Variants in BIVM observed in about 807,000 individuals in gnomAD.
BIVM encodes the protein basic, immunoglobulin-like variable motif containing.
Under a neutral mutation model 61.4 loss-of-function variants are expected in BIVM, and 31 were observed. The observed-to-expected ratio is 0.51, with a 90% CI of 0.38 to 0.68. The LOEUF (loss-of-function observed/expected upper bound fraction) is 0.68, where lower values mean the gene tolerates loss of function less well. Among genes scored for constraint, BIVM ranks in the 30% least tolerant of loss-of-function variants. The probability of loss-of-function intolerance (pLI) is 0.00; values close to 1 mark genes in which losing one functional copy is unlikely to be tolerated. For missense variants in BIVM, 526 were observed against 596.0 expected, an observed-to-expected ratio of 0.88 and a Z score of 1.22; for synonymous variants, 189 against 210.7, an observed-to-expected ratio of 0.90 and a Z score of 0.89.
Position 102,821,789 on chromosome 13 carries a change from C to G in BIVM, c.748C>G (p.Gln250Glu). 6.2e-7 allele frequency: 1 copy of G among 1,614,098 alleles called. No homozygotes were observed. ...QEEALHILGF[Q>E]PPFEDIRFGP... ...AGAAGCTTTACATATTCTGGGCTTT[C>G]AACCTCCATTTGAAGATATTAGGTT... is the stretch of plus-strand genomic sequence containing the variant. The change falls in exon 6 of 11, where the codon CAA becomes GAA. Residue 250 changes from glutamine (Q) to glutamate (E), a missense_variant. This residue lies in a region of BIVM where 312 missense variants were observed against 343.8 expected (regional missense o/e 0.91). Transcript: ENST00000257336.
intron 3 of BIVM, among the ~76,000 whole-genome samples, chr13:102,815,822 G>C (rs1000414147): frequency 6.6e-5 from 10 of 152,162 alleles, no homozygotes; most frequent in Non-Finnish European, 1.3e-4. Context: ...CACACAGGAG[G>C]CTTGCTTTTC....
intron 7 of BIVM, among the ~76,000 whole-genome samples, chr13:102,826,874 T>C (rs1374005178): frequency 6.6e-6 from 1 of 152,064 alleles, no homozygotes; most frequent in African/African-American, 2.4e-5. Flanking sequence ...CCAGAGAAAT[T>C]AGAATAAGAG....
intron 10 of BIVM, 109 bp from the exon 11 acceptor site, chr13:102,839,463 T>G: frequency 7.1e-7 from 1 of 1,410,950 alleles, no homozygotes; most frequent in African/African-American, 1.4e-5. Context: ...GAAAGTACCA[T>G]TCTGAGGCCG....
chr13:102,813,980 T>A (rs1879682277), intron 3 of BIVM, among the ~76,000 whole-genome samples: 1 of 152,224 alleles, frequency 6.6e-6, no homozygotes. Context: ...GTCCTTTGGT[T>A]CTTCCAGTAA....
In BIVM at chr13:102,821,857, C is replaced by T. The variant is rs771547079; in HGVS notation, c.806+10C>T. 1 of 1,610,196 alleles carries T rather than the reference C, an allele frequency of 6.2e-7. No individual in the cohort carries two copies. The highest frequency in any genetic ancestry group is 1.7e-5 in the Admixed American group (1 of 59,272). On this transcript the variant is annotated intron_variant, in intron 6 of 10. Transcript: ENST00000257336. ...ATACAACACTTATGAGGTATGAAGA[C>T]CCTCTTAGAGGCAATATCGTGTTTC...
chr13:102,822,360 C>A (rs1303100314), intron 7 of BIVM, among the ~76,000 whole-genome samples: 4 of 152,196 alleles, frequency 2.6e-5, no homozygotes, highest in African/African-American at 9.7e-5. Flanking sequence ...CCTCTTCTAA[C>A]CTTTTTATGT....
Position 102,822,086 on chromosome 13 carries a change from C to T in BIVM, c.828C>T (p.Asp276=), listed in dbSNP as rs1352969856. ...TCAGGTGGTTTAGACAAATTAATGA[C>T]CACTTCCATGTAAAAGGATGCTCTT... ...TLMRWFRQIN[D]HFHVKGCSYV... The change falls in exon 7 of 11, where the codon GAC becomes GAT. Residue 276 remains aspartate (D), a synonymous_variant. Coordinates refer to ENST00000257336, the MANE Select transcript of BIVM (RefSeq NM_017693.4). 2 of 1,613,842 alleles carry T rather than the reference C, an allele frequency of 1.2e-6. No individual in the cohort carries two copies. The highest frequency in any genetic ancestry group is 2.2e-5 in the East Asian group (1 of 44,884).
Position 102,806,082 on chromosome 13 carries a change from C to G in BIVM, c.-123+692C>G, listed in dbSNP as rs114458525. On this transcript the variant is annotated intron_variant, in intron 2 of 10. Coordinates refer to ENST00000257336, the MANE Select transcript of BIVM (RefSeq NM_017693.4). ...GAACTGTTTTCCAAAGCAACTGGAC[C>G]ATTTTACATTTCCATTAGCAATGTA... Among the ~76,000 whole-genome samples the G allele has an allele frequency of 4.4e-3, 671 of 152,254 alleles. 2 individuals are homozygous for G. The highest frequency in any genetic ancestry group is 0.016 in the African/African-American group (646 of 41,540).
chr13:102,826,251 C>T (rs1198109236), intron 7 of BIVM, among the ~76,000 whole-genome samples: 2 of 152,310 alleles, frequency 1.3e-5, no homozygotes, highest in East Asian at 3.9e-4. Context: ...CCCCTCCCCA[C>T]ACTCCCAGAC....
chr13:102,824,829 G>A (rs1880549585), intron 7 of BIVM, among the ~76,000 whole-genome samples: 1 of 152,146 alleles, frequency 6.6e-6, no homozygotes, highest in Non-Finnish European at 1.5e-5. Flanking sequence ...CTGTGATCAT[G>A]GCTTACTGCA....
chr13:102,833,880 C>T (rs1307767592), intron 8 of BIVM, among the ~76,000 whole-genome samples: 1 of 152,172 alleles, frequency 6.6e-6, no homozygotes, highest in Non-Finnish European at 1.5e-5. Context: ...ATGATTTCAT[C>T]CTGCAGCTTC....
rs548466946 is a variant in BIVM at position 102,814,640 on chromosome 13, C to A, written c.479-1788C>A. Among the ~76,000 whole-genome samples, 10 of 152,290 alleles carry A rather than the reference C, an allele frequency of 6.6e-5. No individual in the cohort carries two copies. In the South Asian group the frequency reaches 1.9e-3, roughly 28 times the overall value. On this transcript the variant is annotated intron_variant, in intron 3 of 10. Coordinates refer to ENST00000257336, the MANE Select transcript of BIVM (RefSeq NM_017693.4). Reference sequence around the variant, plus strand: ...TTCTGTTATCTGACTCTGTAAGAGTCATTTTACCAGTCAAGGAAATTTGGC... The same window carrying A: ...TTCTGTTATCTGACTCTGTAAGAGTAATTTTACCAGTCAAGGAAATTTGGC...
At position 102,825,131 on chromosome 13, in the gene BIVM, G is replaced by C. The variant is rs550676790; in HGVS notation, c.901+2972G>C. 3.9e-5 allele frequency among the ~76,000 whole-genome samples: 6 copies of C among 152,134 alleles called. No individual in the cohort carries two copies. In the East Asian group the frequency reaches 1.2e-3, roughly 29 times the overall value. ...CTAATTTTTTGTATTTTTTTTAGTA[G>C]AGATGGGGTTTCACCATGTTAGCCA... On this transcript the variant is annotated intron_variant, in intron 7 of 10. Transcript: ENST00000257336.
rs1484016738 is a variant in BIVM, at chr13:102,826,959, G to A, written c.902-4606G>A. Among the ~76,000 whole-genome samples the A allele has an allele frequency of 2.6e-5, 4 of 152,158 alleles. No individual in the cohort carries two copies. In the South Asian group the frequency reaches 6.2e-4, roughly 24 times the overall value. ...ACATTTAATCAAATTCCCAAAGTAA[G>A]AACATATACTTTTATAATTAATGGA... On this transcript the variant is annotated intron_variant, in intron 7 of 10. Transcript: ENST00000257336.
intron 3 of BIVM, among the ~76,000 whole-genome samples, chr13:102,813,945 A>G (rs1371027980): frequency 6.6e-6 from 1 of 152,060 alleles, no homozygotes; most frequent in African/African-American, 2.4e-5. Flanking sequence ...CCTCACTTTC[A>G]GTGATGGTGA....
intron 3 of BIVM, among the ~76,000 whole-genome samples, chr13:102,808,985 T>G (rs941902264): frequency 2.0e-5 from 3 of 151,166 alleles, no homozygotes; most frequent in Admixed American, 1.3e-4. Context: ...TCTTTTCAAA[T>G]AACTAGCTTT....
chr13:102,831,496 G>A lies in BIVM; in HGVS notation c.902-69G>A, dbSNP rs1012007228. Reference sequence around the variant, plus strand: ...CTTTTCTGTCCTTAAGCCCTTAACCGGTCCTTTGTGTAAAGCATGGACACT... The same window carrying A: ...CTTTTCTGTCCTTAAGCCCTTAACCAGTCCTTTGTGTAAAGCATGGACACT... On this transcript the variant is annotated intron_variant, in intron 7 of 10. Transcript: ENST00000257336. 43 of 1,595,358 alleles carry A rather than the reference G, an allele frequency of 2.7e-5. No individual in the cohort carries two copies. In the Admixed American group the frequency reaches 5.5e-4, roughly 20 times the overall value.
intron 2 of BIVM, among the ~76,000 whole-genome samples, chr13:102,806,564 G>C (rs1879100545): frequency 1.3e-5 from 2 of 152,134 alleles, no homozygotes; most frequent in South Asian, 2.1e-4. Context: ...GGCAATTTCT[G>C]TACTGATTTT....
At chr13:102,824,217 G>A (rs1405739837) in intron 7 of BIVM, among the ~76,000 whole-genome samples, 4 of 152,176 alleles carry the variant, frequency 2.6e-5, no homozygotes, top group Non-Finnish European at 4.4e-5. Context: ...AGGGTAAGGG[G>A]TGTCAAGGCA....
Sources: gnomAD v4.1 joint callset for allele counts (sites outside exome capture counted in the v4.1 genomes callset) on GRCh38, gnomAD v4.1.1 for gene constraint, gnomAD v4.1.1 regional missense constraint, MANE v1.5 for transcripts, NCBI Gene and HGNC (gene_info 2026-07-23, HGNC 2026-07-21) for gene names.